The following CATSPERD variants were observed in gnomAD, a reference collection of about 807,000 sequenced individuals.
CATSPERD encodes catsper channel auxiliary subunit delta.
CATSPERD carries 86 observed loss-of-function variants against 98.1 expected under a neutral mutation model. The observed-to-expected ratio is 0.88, with a 90% CI of 0.74 to 1.05. The LOEUF (loss-of-function observed/expected upper bound fraction) is 1.05, where lower values mean the gene tolerates loss of function less well. Ranked by LOEUF, CATSPERD falls within the 50% of genes least tolerant of loss-of-function variation. The pLI is 0.00. For synonymous variants in CATSPERD, 394 were observed against 390.2 expected (o/e 1.01, Z -0.12); for missense variants, 995 against 1,005.7 (o/e 0.99, Z 0.14).
At chr19:5,729,792 C>T in intron 3 of CATSPERD, 80 bp from the exon 4 acceptor site, 3 of 822,860 alleles carry the variant, frequency 3.6e-6, no homozygotes, top group Admixed American at 2.5e-5. Context: ...TGAATGGAGA[C>T]ATTTTAGAGT....
Position 5,749,109 on chromosome 19 carries a change from G to A in CATSPERD, c.913G>A (p.Glu305Lys). The A allele has an allele frequency of 6.2e-7, 1 of 1,611,714 alleles. No individual in the cohort carries two copies. The highest frequency in any genetic ancestry group is 1.7e-5 in the Admixed American group (1 of 59,506). ...TIHNIAVTENELAVITREDNL... is the reference protein window; with the variant it reads ...TIHNIAVTENKLAVITREDNL... ...TGTTTTGTTTTTCCCAGCTGAAAAT[G>A]AACTGGCAGTTATAACTCGGGAGGA... Residue 305 changes from glutamate (E) to lysine (K), a missense_variant, in exon 11 of 22, where the codon GAA (glutamate) becomes AAA (lysine). Physicochemically the swap from Glu to Lys is moderately conservative, Grantham distance 56. Around this residue, in one of 3 missense-constraint regions of CATSPERD, gnomAD observed 762 missense variants for 773.7 expected, o/e 0.98. Transcript: ENST00000381624.
intron 20 of CATSPERD, chr19:5,775,267 A>C (rs1458027674): frequency 4.2e-6 from 2 of 471,496 alleles, no homozygotes; most frequent in Admixed American, 4.7e-5. Flanking sequence ...AGGCATGGGG[A>C]AGAAGAGAGC....
At chr19:5,740,840 T>G (rs1016493195) in intron 7 of CATSPERD, among the ~76,000 whole-genome samples, 2 of 149,834 alleles carry the variant, frequency 1.3e-5, no homozygotes, top group Admixed American at 6.7e-5. Flanking sequence ...ACCCCAGCAC[T>G]TTGGGAGGCT....
chr19:5,737,086 C>G, intron 5 of CATSPERD, 52 bp from the exon 6 acceptor site: 1 of 1,291,294 alleles, frequency 7.7e-7, no homozygotes, highest in South Asian at 1.2e-5. Flanking sequence ...AAAAACTTTT[C>G]TCCAAACTTC....
At chr19:5,725,859 C>T (rs1004551940) in intron 2 of CATSPERD, among the ~76,000 whole-genome samples, 19 of 151,966 alleles carry the variant, frequency 1.3e-4, no homozygotes, top group African/African-American at 4.6e-4. Flanking sequence ...AAGATCGTGC[C>T]ACTGCACTCC....
At chr19:5,731,922 GT>G (rs1455051421) in intron 4 of CATSPERD, among the ~76,000 whole-genome samples, 10 of 151,936 alleles carry the variant, frequency 6.6e-5, no homozygotes, top group African/African-American at 2.4e-4. Context: ...TTTAGGCTTT[GT>G]CATCCAAGAA....
intron 17 of CATSPERD, among the ~76,000 whole-genome samples, chr19:5,766,690 T>G (rs2056544430): frequency 1.0e-5 from 1 of 98,602 alleles, no homozygotes; most frequent in Non-Finnish European, 2.1e-5. Flanking sequence ...CTGTTGGTGA[T>G]ATCCACATTT....
rs527796326 is a variant in CATSPERD at position 5,748,728 on chromosome 19, C to CTTTTTTTTTTT, written c.905-363_905-353dup. Among the ~76,000 whole-genome samples, 38 of 94,060 alleles carry CTTTTTTTTTTT rather than the reference C, an allele frequency of 4.0e-4. 1 individual carries two copies. Among genetic ancestry groups the CTTTTTTTTTTT allele is most frequent in the East Asian group, 1.4e-3 (4 of 2,910 alleles). 61.7% of individuals were successfully genotyped at this position (94,060 alleles called of 152,430 possible). A position where few individuals can be genotyped will look rare whatever the true frequency, so the allele number is the denominator to read the frequency against. On this transcript the variant is annotated intron_variant, in intron 10 of 21. Transcript: ENST00000381624. ...ACCAGAAAATAGCTGTCATATTATT[C>CTTTTTTTTTTT]TTTTTTTTTTTTTTTTTTTTGAGAT...
chr19:5,721,101 C>G (rs1234394998), intron 1 of CATSPERD, among the ~76,000 whole-genome samples: 1 of 150,346 alleles, frequency 6.7e-6, no homozygotes, highest in African/African-American at 2.5e-5. Context: ...CGGATTCACG[C>G]CATTCTCCTG....
chr19:5,769,707 A>G (rs375993747), intron 18 of CATSPERD, among the ~76,000 whole-genome samples: 46 of 152,168 alleles, frequency 3.0e-4, no homozygotes, highest in African/African-American at 1.0e-3. Flanking sequence ...GAACCTGCGG[A>G]GGACACAGAG....
intron 18 of CATSPERD, among the ~76,000 whole-genome samples, chr19:5,769,510 G>C (rs537066445): frequency 1.1e-4 from 17 of 152,098 alleles, no homozygotes; most frequent in Non-Finnish European, 2.2e-4. Context: ...CTTTGGAAGG[G>C]ACAAATATCC....
At chr19:5,755,437 A>G (rs1427747937) in intron 13 of CATSPERD, among the ~76,000 whole-genome samples, 1 of 152,126 alleles carries the variant, frequency 6.6e-6, no homozygotes, top group South Asian at 2.1e-4. Context: ...CAGTACTGAT[A>G]CAGCCTTTCT....
In CATSPERD at chr19:5,720,753, C is replaced by G. The variant is rs1261755877; in HGVS notation, c.16C>G (p.Leu6Val). The change falls in exon 1 of 22, where the codon CTG becomes GTG. Residue 6 changes from leucine to valine, a missense_variant. Coordinates refer to ENST00000381624, the MANE Select transcript of CATSPERD (RefSeq NM_152784.4). MLMLM[L>V]VAAVTMWLRP... ...GCCCAAGTCGATGCTGATGTTGATG[C>G]TGGTGGCGGCTGTGACCATGTGGCT... The G allele has an allele frequency of 1.2e-6, 2 of 1,605,792 alleles. No homozygotes were observed. The highest frequency in any genetic ancestry group is 2.2e-5 in the South Asian group (2 of 90,984).
intron 13 of CATSPERD, among the ~76,000 whole-genome samples, chr19:5,757,025 A>T (rs1380735014): frequency 6.6e-6 from 1 of 152,048 alleles, no homozygotes; most frequent in East Asian, 1.9e-4. Context: ...CGACACAGGC[A>T]TATCATATGA....
chr19:5,770,632 T>C (rs1026531971), intron 18 of CATSPERD, among the ~76,000 whole-genome samples: 1 of 151,802 alleles, frequency 6.6e-6, no homozygotes, highest in Non-Finnish European at 1.5e-5. Context: ...ATTTAAAATA[T>C]TAACCATGCG....
At chr19:5,765,706 G>C (rs1278134039) in intron 16 of CATSPERD, among the ~76,000 whole-genome samples, 1 of 151,994 alleles carries the variant, frequency 6.6e-6, no homozygotes, top group Non-Finnish European at 1.5e-5. Context: ...CAGCTACTTG[G>C]GAAGCTGAGG....
chr19:5,761,835 T>C (rs1478490782), intron 15 of CATSPERD, among the ~76,000 whole-genome samples: 4 of 151,200 alleles, frequency 2.6e-5, no homozygotes, highest in Non-Finnish European at 5.9e-5. Flanking sequence ...CCCAAGTAGC[T>C]GGGACTATAG....
rs2055787774 is a variant in CATSPERD, at chr19:5,733,910, G to A, written c.331G>A (p.Val111Ile). 2.5e-6 allele frequency: 4 copies of A among 1,613,064 alleles called. No individual in the cohort carries two copies. The highest frequency in any genetic ancestry group is 2.5e-6 in the Non-Finnish European group (3 of 1,179,766). ...TTTTGCTGGTTCGTTATTGCTGTTA[G>A]TAGTGGATCAAAAAGTCTATATTTA... Reference protein sequence around the residue: ...AHFAGSLLLLVVDQKVYIYDY... With the variant: ...AHFAGSLLLLIVDQKVYIYDY... Residue 111 changes from valine (V) to isoleucine (I), a missense_variant, in exon 5 of 22, where the codon GTA (valine) becomes ATA (isoleucine). This residue lies in a region of CATSPERD where 228 missense variants were observed against 209.6 expected (regional missense o/e 1.09). Coordinates refer to ENST00000381624, the MANE Select transcript of CATSPERD (RefSeq NM_152784.4).
At chr19:5,748,318 G>A in intron 10 of CATSPERD, 63 bp downstream of exon 10, 1 of 1,483,964 alleles carries the variant, frequency 6.7e-7, no homozygotes, top group Non-Finnish European at 9.4e-7. Context: ...CCGTAGGCCT[G>A]CCAGACCCAA....
Sources: gnomAD v4.1 joint callset for allele counts (sites outside exome capture counted in the v4.1 genomes callset) on GRCh38, gnomAD v4.1.1 for gene constraint, gnomAD v4.1.1 regional missense constraint, MANE v1.5 for transcripts, NCBI Gene and HGNC (gene_info 2026-07-23, HGNC 2026-07-21) for gene names.